ATRIP: variants seen among roughly 807,000 people sequenced by gnomAD.
The protein encoded by ATRIP is ATR-interacting protein.
In ATRIP, 44 loss-of-function variants were observed where a neutral mutation model predicts 78.1. The observed-to-expected ratio is 0.56, with a 90% CI of 0.44 to 0.72. ATRIP has a LOEUF of 0.72. ATRIP is among the 30% of genes least tolerant of loss of function. The probability of loss-of-function intolerance (pLI) is 0.00; values close to 1 mark genes in which losing one functional copy is unlikely to be tolerated. For missense variants in ATRIP, 927 were observed against 980.2 expected (o/e 0.95, Z 0.72); for synonymous variants, 388 against 408.9 (o/e 0.95, Z 0.62).
rs150966664 is a variant in ATRIP at position 48,451,803 on chromosome 3, G to A, written c.456G>A (p.Thr152=). 73 of 1,612,470 alleles carry A rather than the reference G, an allele frequency of 4.5e-5. 3 individuals carry two copies. Among genetic ancestry groups the A allele is most frequent in the African/African-American group, 2.5e-4 (19 of 74,896 alleles). ...TTTTGCGAGACTCACTACATCAGAC[G>A]GAATCCGTTCTAGAGGAACAGAGAA... ...IKILRDSLHQ[T]ESVLEEQRRS... is the part of the protein sequence containing the mutation. The change falls in exon 3 of 13, where the codon ACG becomes ACA. Residue 152 remains threonine, a synonymous_variant. Transcript: ENST00000320211.
Position 48,446,784 on chromosome 3 carries a change from T to TCG in ATRIP, c.-61_-60insGC, listed in dbSNP as rs1183909714. 6 of 1,353,190 alleles carry TCG rather than the reference T, an allele frequency of 4.4e-6. No homozygotes were observed. Among genetic ancestry groups the TCG allele is most frequent in the Non-Finnish European group, 5.7e-6 (6 of 1,050,960 alleles). The allele number at this position is 1,353,190 out of a possible 1,614,324, so 83.8% of individuals were successfully genotyped here. On this transcript the variant is annotated 5_prime_UTR_variant, in exon 1 of 13. Transcript: ENST00000320211. Reference sequence around the variant, plus strand: ...GGCGCGCGGACGGTTGGTCCAGTTCTCCGGCCTGGCGGCAGGCAAGTCTAG... The same window carrying TCG: ...GGCGCGCGGACGGTTGGTCCAGTTCTCGCCGGCCTGGCGGCAGGCAAGTCTAG...
chr3:48,459,051 G>A (rs894848996), intron 5 of ATRIP, among the ~76,000 whole-genome samples: 4 of 152,198 alleles, frequency 2.6e-5, no homozygotes, highest in Admixed American at 6.5e-5. Flanking sequence ...GGGCTGATGC[G>A]TATAGAGCTC....
At chr3:48,447,155 G>A in intron 1 of ATRIP, 63 bp downstream of exon 1, 4 of 1,390,514 alleles carry the variant, frequency 2.9e-6, no homozygotes, top group Middle Eastern at 2.0e-4. Flanking sequence ...TCCCCTTGAT[G>A]GCTGTGGCTT....
chr3:48,449,413 C>CAAAAAAAAA (rs1297709851), intron 1 of ATRIP, among the ~76,000 whole-genome samples: 3 of 60,104 alleles, frequency 5.0e-5, no homozygotes, highest in African/African-American at 2.5e-4. Flanking sequence ...GACTCTGTCT[C>CAAAAAAAAA]AAAAAAAAAA....
intron 1 of ATRIP, chr3:48,447,589 G>A (rs1342566993): frequency 1.0e-6 from 1 of 953,180 alleles, no homozygotes; most frequent in Non-Finnish European, 1.2e-6. Flanking sequence ...CAAACGTGAG[G>A]AACTGCAGCT....
chr3:48,467,629 AC>A lies in ATRIP; in HGVS notation c.*2080del, dbSNP rs760631765. On this transcript the variant is annotated 3_prime_UTR_variant, in exon 13 of 13. Transcript: ENST00000320211. ...AAGAAGGAAAATCTGACGAATAAAG[AC>A]CCCCGCTGCCCCATAGCACTGAGTG... is the stretch of plus-strand genomic sequence containing the variant. 1.3e-6 allele frequency: 2 copies of A among 1,598,318 alleles called. No homozygotes were observed. The highest frequency in any genetic ancestry group is 1.7e-6 in the Non-Finnish European group (2 of 1,172,138).
chr3:48,447,152 G>C, intron 1 of ATRIP, 60 bp downstream of exon 1: 4 of 1,396,482 alleles, frequency 2.9e-6, no homozygotes, highest in Non-Finnish European at 3.7e-6. Context: ...AGATCCCCTT[G>C]ATGGCTGTGG....
In ATRIP at chr3:48,465,523, A is replaced by G; in HGVS notation, c.2345A>G (p.Asp782Gly). The G allele has an allele frequency of 6.2e-7, 1 of 1,613,984 alleles. No homozygotes were observed. Among genetic ancestry groups the G allele is most frequent in the Non-Finnish European group, 8.5e-7 (1 of 1,179,932 alleles). ...ALDDLCAAET[D>G]VEDPEVECG ...GATGACCTCTGTGCCGCGGAAACCG[A>G]TGTGGAAGACCCCGAGGTGGAGTGT... The change falls in exon 13 of 13, where the codon GAT (aspartate) becomes GGT (glycine). Residue 782 changes from aspartate to glycine, a missense_variant. Physicochemically the swap from Asp to Gly is moderately conservative, Grantham distance 94 (BLOSUM62 -1). Transcript: ENST00000320211.
At chr3:48,448,090 C>G (rs1374564258) in intron 1 of ATRIP, among the ~76,000 whole-genome samples, 1 of 151,716 alleles carries the variant, frequency 6.6e-6, no homozygotes, top group African/African-American at 2.4e-5. Context: ...AGTGAGGCTT[C>G]ACATCACATT....
rs2107223113 is a variant in ATRIP, at chr3:48,459,770, C to G, written c.926-17C>G. On this transcript the variant is annotated splice_polypyrimidine_tract_variant and intron_variant, in intron 6 of 12. Coordinates refer to ENST00000320211, the MANE Select transcript of ATRIP (RefSeq NM_130384.3). ...CTCCCATGTCAGAACCTTCTAGAGT[C>G]ATCTTGTCTTCTGCAGGTTCCATTT... is the stretch of plus-strand genomic sequence containing the variant. The G allele has an allele frequency of 6.2e-7, 1 of 1,607,504 alleles. No homozygotes were observed. Among genetic ancestry groups the G allele is most frequent in the East Asian group, 2.2e-5 (1 of 44,856 alleles).
intron 5 of ATRIP, among the ~76,000 whole-genome samples, chr3:48,458,245 A>G (rs1013408372): frequency 6.6e-6 from 1 of 150,418 alleles, no homozygotes. Context: ...GCTTGTGGGC[A>G]TATTTTTAAA....
chr3:48,463,971 T>C, intron 9 of ATRIP, 70 bp from the exon 10 acceptor site: 1 of 1,603,318 alleles, frequency 6.2e-7, no homozygotes, highest in Middle Eastern at 2.0e-4. Flanking sequence ...TCAGAGGGCT[T>C]CTGCAGTATG....
rs543059349 is a variant in ATRIP at position 48,460,343 on chromosome 3, A to G, written c.1289A>G (p.His430Arg). The G allele has an allele frequency of 1.9e-6, 3 of 1,613,322 alleles. No individual in the cohort carries two copies. The highest frequency in any genetic ancestry group is 2.2e-5 in the South Asian group (2 of 91,002). The part of the protein sequence containing the change: ...LPLVQFFIGL[H>R]CQALQDLAAA... ...CTTGTACAGTTCTTCATCGGCTTACACTGCCAGGCCCTGCAGGACTTGGCA... is the reference window on the plus strand; with the variant it reads ...CTTGTACAGTTCTTCATCGGCTTACGCTGCCAGGCCCTGCAGGACTTGGCA... Residue 430 changes from histidine (H) to arginine (R), a missense_variant, in exon 8 of 13, where the codon CAC (histidine) becomes CGC (arginine). Transcript: ENST00000320211.
Position 48,465,493 on chromosome 3 carries a change from C to T in ATRIP, c.2315C>T (p.Ala772Val). Reference protein sequence around the residue: ...LPDVTDCEEAALDDLCAAETD... With the variant: ...LPDVTDCEEAVLDDLCAAETD... ...CCTCTCCTTTTTGTCTCAGAGGCAG[C>T]CCTGGATGACCTCTGTGCCGCGGAA... is the stretch of plus-strand genomic sequence containing the variant. Residue 772 changes from alanine to valine, a missense_variant, in exon 13 of 13, where the codon GCC (alanine) becomes GTC (valine). Physicochemically the swap from Ala to Val is moderately conservative, Grantham distance 64. Coordinates refer to ENST00000320211, the MANE Select transcript of ATRIP (RefSeq NM_130384.3). 6.2e-7 allele frequency: 1 copy of T among 1,613,808 alleles called. No homozygotes were observed. Among genetic ancestry groups the T allele is most frequent in the Non-Finnish European group, 8.5e-7 (1 of 1,179,854 alleles).
chr3:48,465,202 A>C lies in ATRIP; in HGVS notation c.2308+119A>C, dbSNP rs2040245053. On this transcript the variant is annotated intron_variant, in intron 12 of 12. Transcript: ENST00000320211. ...CCCGCCCACTGCAGCCTGTTCCAGC[A>C]CTGGGGCCATTTTCTTTTATCTTCC... is the stretch of plus-strand genomic sequence containing the variant. 3.0e-6 allele frequency: 4 copies of C among 1,324,516 alleles called. No individual in the cohort carries two copies. The Admixed American group carries it at 6.8e-5, about 22-fold the overall frequency. The allele number at this position is 1,324,516 out of a possible 1,614,324, so 82.0% of individuals were successfully genotyped here. A position where few individuals can be genotyped will look rare whatever the true frequency, so the allele number is the denominator to read the frequency against.
chr3:48,464,070 T>C lies in ATRIP; in HGVS notation c.1912T>C (p.Tyr638His). The C allele has an allele frequency of 1.2e-6, 2 of 1,613,822 alleles. No individual in the cohort carries two copies. Among genetic ancestry groups the C allele is most frequent in the Non-Finnish European group, 1.7e-6 (2 of 1,180,016 alleles). ...EGCLLLLLYM[Y>H]ITSRPDRVAL... is the part of the protein sequence containing the mutation. ...CTGCCTCCTGCTGCTGCTGTACATG[T>C]ACATCACATCACGGCCTGACAGAGT... Residue 638 changes from tyrosine (Y) to histidine (H), a missense_variant, in exon 10 of 13, where the codon TAC becomes CAC. By Grantham distance (83) the Tyr-to-His change is moderately conservative (BLOSUM62 2). Transcript: ENST00000320211.
rs2040344438 is a variant in ATRIP, at chr3:48,467,005, A to G, written c.*1451A>G. 1.2e-6 allele frequency: 2 copies of G among 1,613,748 alleles called. No individual in the cohort carries two copies. Among genetic ancestry groups the G allele is most frequent in the Non-Finnish European group, 1.7e-6 (2 of 1,180,058 alleles). Reference sequence around the variant, plus strand: ...CTAGCCTTCCTGCGGCGCCAGCCACAGCCCTGGTGCCTGGTGGCACACAAT... The same window carrying G: ...CTAGCCTTCCTGCGGCGCCAGCCACGGCCCTGGTGCCTGGTGGCACACAAT... On this transcript the variant is annotated 3_prime_UTR_variant, in exon 13 of 13. Coordinates refer to ENST00000320211, the MANE Select transcript of ATRIP (RefSeq NM_130384.3).
rs772753856 is a variant in ATRIP, at chr3:48,466,731, T to G, written c.*1177T>G. The G allele has an allele frequency of 1.2e-6, 2 of 1,613,974 alleles. No individual in the cohort carries two copies. Among genetic ancestry groups the G allele is most frequent in the South Asian group, 2.2e-5 (2 of 91,082 alleles). On this transcript the variant is annotated 3_prime_UTR_variant, in exon 13 of 13. Coordinates refer to ENST00000320211, the MANE Select transcript of ATRIP (RefSeq NM_130384.3). ...CGACATGGAGGCCACTGGCTTGCCC[T>G]TCTCCCAGCCCAAGGTCACGGAGCT...
At chr3:48,448,234 T>C (rs2107186245) in intron 1 of ATRIP, among the ~76,000 whole-genome samples, 1 of 146,202 alleles carries the variant, frequency 6.8e-6, no homozygotes, top group East Asian at 2.1e-4. Context: ...CCATCTTGGC[T>C]CACCACAGCC....
Sources: gnomAD v4.1 joint callset for allele counts (sites outside exome capture counted in the v4.1 genomes callset) on GRCh38, gnomAD v4.1.1 for gene constraint, MANE v1.5 for transcripts, NCBI Gene and HGNC (gene_info 2026-07-23, HGNC 2026-07-21) for gene names.